The following ALKAL2 variants were observed in gnomAD, a reference collection of about 807,000 sequenced individuals.
ALKAL2 encodes AUG-alpha.
ALKAL2 carries 8 observed loss-of-function variants against 18.5 expected under a neutral mutation model. The observed-to-expected ratio is 0.43, with a 90% confidence interval of 0.25 to 0.78. The LOEUF is 0.78. Among genes scored for constraint, ALKAL2 ranks in the 30% least tolerant of loss-of-function variants. The pLI is 0.22. For synonymous variants in ALKAL2, 135 were observed against 95.8 expected (o/e 1.41, Z -2.39); for missense variants, 241 against 211.2 (o/e 1.14, Z -0.88).
In ALKAL2 at chr2:287,655, G is replaced by A. The variant is rs1461594792; in HGVS notation, c.181C>T (p.Leu61Phe). ...HHSAEHKGLQ[L>F]LGRDCALGRA... Reference sequence around the variant, plus strand: ...CCCAGGGCGCAGTCCCGCCCGAGGAGCTGCAGGCCCTTGTGCTCCGCCGAG... The same window carrying A: ...CCCAGGGCGCAGTCCCGCCCGAGGAACTGCAGGCCCTTGTGCTCCGCCGAG... The change falls in exon 2 of 6, where the codon CTC becomes TTC. Residue 61 changes from leucine (L) to phenylalanine (F), a missense_variant. Leu to Phe is a conservative substitution (Grantham distance 22, BLOSUM62 0). Coordinates refer to ENST00000403610, the MANE Select transcript of ALKAL2 (RefSeq NM_001002919.3). 3.4e-6 allele frequency: 5 copies of A among 1,482,430 alleles called. No individual in the cohort carries two copies. Among genetic ancestry groups the A allele is most frequent in the East Asian group, 2.9e-5 (1 of 34,058 alleles). 91.8% of individuals were successfully genotyped at this position (1,482,430 alleles called of 1,614,324 possible). A position where few individuals can be genotyped will look rare whatever the true frequency, so the allele number is the denominator to read the frequency against.
chr2:287,332 G>A, intron 2 of ALKAL2: 1 of 374,884 alleles, frequency 2.7e-6, no homozygotes, highest in Non-Finnish European at 4.7e-6. Flanking sequence ...AGTGACGGTT[G>A]ACAGTTTAGT....
At chr2:281,013 C>T (rs924208223) in intron 5 of ALKAL2, among the ~76,000 whole-genome samples, 1 of 152,218 alleles carries the variant, frequency 6.6e-6, no homozygotes, top group African/African-American at 2.4e-5. Flanking sequence ...CTGCCTGATG[C>T]CACACCGTCA....
chr2:287,762 C>A lies in ALKAL2; in HGVS notation c.74G>T (p.Gly25Val), dbSNP rs1049442505. ...VLGAAGRGRG[G>V]AEPREPADGQ... Reference sequence around the variant, plus strand: ...GTCCGCCGGCTCCCGGGGCTCCGCGCCCCCCCGGCCGCGCCCCGCCGCCCC... The same window carrying A: ...GTCCGCCGGCTCCCGGGGCTCCGCGACCCCCCGGCCGCGCCCCGCCGCCCC... Residue 25 changes from glycine (G) to valine (V), a missense_variant, in exon 2 of 6, where the codon GGC becomes GTC. Gly to Val is a moderately radical substitution (Grantham distance 109). Transcript: ENST00000403610. 8.4e-6 allele frequency: 12 copies of A among 1,429,052 alleles called. No individual in the cohort carries two copies. The highest frequency in any genetic ancestry group is 1.1e-5 in the Non-Finnish European group (12 of 1,095,462). 88.5% of individuals were successfully genotyped at this position (1,429,052 alleles called of 1,614,324 possible).
At chr2:286,043 C>T in intron 4 of ALKAL2, 80 bp downstream of exon 4, 1 of 1,238,866 alleles carries the variant, frequency 8.1e-7, no homozygotes, top group Non-Finnish European at 1.2e-6. Context: ...AAGGCAGGGG[C>T]CTATATGAGG....
rs958443391 is a variant in ALKAL2, at chr2:286,266, G to A, written c.307+24C>T. 1.5e-5 allele frequency: 24 copies of A among 1,610,666 alleles called. 1 individual carries two copies. The Middle Eastern group carries it at 2.8e-3, about 189-fold the overall frequency. On this transcript the variant is annotated intron_variant, in intron 3 of 5. Coordinates refer to ENST00000403610, the MANE Select transcript of ALKAL2 (RefSeq NM_001002919.3). ...CAGGTGAAAAGGAGCTCTGGGAGAC[G>A]TGAGGAACGAGGAGAAAACTTACCT...
intron 5 of ALKAL2, among the ~76,000 whole-genome samples, chr2:282,160 C>T (rs571433723): frequency 6.6e-5 from 10 of 152,290 alleles, no homozygotes; most frequent in African/African-American, 2.2e-4. Flanking sequence ...TGCCTCCTGC[C>T]GGTGTTGGGG....
chr2:287,017 A>G (rs1670532788), intron 2 of ALKAL2: 1 of 152,192 alleles, frequency 6.6e-6, no homozygotes, highest in Non-Finnish European at 1.5e-5. Context: ...AGCCCTCTCC[A>G]TCTTCACTCC....
At chr2:283,424 C>T (rs550203682) in intron 4 of ALKAL2, 1,565 of 985,372 alleles carry the variant, frequency 1.6e-3, no homozygotes, top group Non-Finnish European at 1.8e-3. Flanking sequence ...GGAAGAGGGA[C>T]AGACACGAAG....
At chr2:287,492 C>A (rs2103086520) in intron 2 of ALKAL2, 91 bp downstream of exon 2, 9 of 766,816 alleles carry the variant, frequency 1.2e-5, no homozygotes, top group Non-Finnish European at 1.6e-5. Context: ...GTTCAGTGGT[C>A]AAAATTGATG....
Position 283,095 on chromosome 2 carries a change from G to C in ALKAL2, c.453+16C>G, listed in dbSNP as rs779607502. 1.2e-6 allele frequency: 2 copies of C among 1,607,192 alleles called. No individual in the cohort carries two copies. Among genetic ancestry groups the C allele is most frequent in the Admixed American group, 3.4e-5 (2 of 59,024 alleles). On this transcript the variant is annotated intron_variant, in intron 5 of 5. Transcript: ENST00000403610. ...ATCTTTGGTATGTGCTCCAGTGTGTGTCTGTCCAAGCTTACCTTATCCTCC... is the reference window on the plus strand; with the variant it reads ...ATCTTTGGTATGTGCTCCAGTGTGTCTCTGTCCAAGCTTACCTTATCCTCC...
chr2:285,844 G>C (rs1670489653), intron 4 of ALKAL2: 5 of 390,358 alleles, frequency 1.3e-5, no homozygotes, highest in Non-Finnish European at 2.3e-5. Context: ...CACAAACATG[G>C]GCATTGGAGG....
Position 286,124 on chromosome 2 carries a change from T to A in ALKAL2, c.387A>T (p.Ala129=). 1 of 1,612,832 alleles carries A rather than the reference T, an allele frequency of 6.2e-7. No individual in the cohort carries two copies. Among genetic ancestry groups the A allele is most frequent in the Non-Finnish European group, 8.5e-7 (1 of 1,179,016 alleles). ...YHNTRDCTIP[A]YYKRCARLLT... ...TAAAAATCCAATGCTGTTACTTACATGCAGGAATGGTGCAGTCTCTGGTGT... is the reference window on the plus strand; with the variant it reads ...TAAAAATCCAATGCTGTTACTTACAAGCAGGAATGGTGCAGTCTCTGGTGT... The change falls in exon 4 of 6, where the codon GCA becomes GCT. Residue 129 remains alanine, a splice_region_variant and synonymous_variant. Coordinates refer to ENST00000403610, the MANE Select transcript of ALKAL2 (RefSeq NM_001002919.3).
intron 5 of ALKAL2, among the ~76,000 whole-genome samples, chr2:281,100 C>T (rs556079530): frequency 6.4e-4 from 97 of 152,284 alleles, no homozygotes; most frequent in African/African-American, 2.0e-3. Context: ...AGAGAAAGCC[C>T]GGACTGTATC....
Position 280,044 on chromosome 2 carries a change from ATC to A in ALKAL2, c.*101_*102del. ...TGGAAGAGTCTGTCTGCAAAAATAA[ATC>A]TCTTGTCCATGAGGGGATGTGTATA... On this transcript the variant is annotated 3_prime_UTR_variant, in exon 6 of 6. Transcript: ENST00000403610. 2 of 1,331,944 alleles carry A rather than the reference ATC, an allele frequency of 1.5e-6. No individual in the cohort carries two copies. The highest frequency in any genetic ancestry group is 3.4e-5 in the Admixed American group (2 of 58,314). The allele number at this position is 1,331,944 out of a possible 1,614,324, so 82.5% of individuals were successfully genotyped here.
intron 4 of ALKAL2, chr2:283,392 T>C: frequency 1.0e-6 from 1 of 985,396 alleles, no homozygotes; most frequent in Non-Finnish European, 1.2e-6. Context: ...AGAAGTCGGA[T>C]GATGTAAGTG....
chr2:282,992 TTAGAATATGGC>T, intron 5 of ALKAL2, 108 bp downstream of exon 5: 2 of 1,069,954 alleles, frequency 1.9e-6, no homozygotes, highest in South Asian at 3.2e-5. Context: ...CCATCTCTAC[TTAGAATATGGC>T]TACTTCAGCC....
chr2:287,485 C>A, intron 2 of ALKAL2, 98 bp downstream of exon 2: 14 of 640,256 alleles, frequency 2.2e-5, no homozygotes, highest in Non-Finnish European at 3.2e-5. Context: ...TCCTGCTGTT[C>A]AGTGGTCAAA....
intron 5 of ALKAL2, among the ~76,000 whole-genome samples, chr2:281,944 A>G (rs1374240537): frequency 6.6e-6 from 1 of 152,180 alleles, no homozygotes; most frequent in Non-Finnish European, 1.5e-5. Flanking sequence ...GGATGTGGGG[A>G]GACATTACTA....
intron 4 of ALKAL2, among the ~76,000 whole-genome samples, chr2:284,676 C>A (rs557625605): frequency 6.6e-6 from 1 of 152,126 alleles, no homozygotes; most frequent in Non-Finnish European, 1.5e-5. Context: ...GGAAAAAGGC[C>A]TGCAGAGTCA....
Sources: allele counts gnomAD v4.1 joint callset (sites outside exome capture counted in the v4.1 genomes callset), GRCh38; gene constraint gnomAD v4.1.1; transcripts MANE v1.5; gene names NCBI Gene and HGNC (gene_info 2026-07-23, HGNC 2026-07-21).